Variants in DOK5 observed in about 807,000 individuals in gnomAD.
DOK5 encodes the protein docking protein 5, also known as downstream of tyrosine kinase 5.
Under a neutral mutation model 43.3 loss-of-function variants are expected in DOK5, and 27 were observed. The ratio of observed to expected loss-of-function variants is 0.62; its 90% confidence interval spans 0.46 to 0.86. DOK5 has a LOEUF of 0.86. DOK5 is among the 40% of genes least tolerant of loss of function. The probability of loss-of-function intolerance (pLI) is 0.00; values close to 1 mark genes in which losing one functional copy is unlikely to be tolerated. For missense variants in DOK5, 373 were observed against 392.9 expected (o/e 0.95, Z 0.43); for synonymous variants, 146 against 140.1 (o/e 1.04, Z -0.30).
chr20:54,510,462 T>G (rs1042806166), intron 1 of DOK5, among the ~76,000 whole-genome samples: 2 of 152,086 alleles, frequency 1.3e-5, no homozygotes, highest in African/African-American at 4.8e-5. Flanking sequence ...TTAAGAGAGG[T>G]GTTTTATTGC....
chr20:54,622,212 A>T (rs181323176), intron 6 of DOK5, among the ~76,000 whole-genome samples: 48 of 151,420 alleles, frequency 3.2e-4, no homozygotes, highest in Middle Eastern at 6.8e-3. Flanking sequence ...AAAAAATAAA[A>T]AAAATAAAAT....
intron 5 of DOK5, among the ~76,000 whole-genome samples, chr20:54,592,063 C>T (rs891006083): frequency 1.2e-4 from 18 of 152,168 alleles, no homozygotes; most frequent in Non-Finnish European, 2.2e-4. Flanking sequence ...CAGTTTGATT[C>T]CATATCACAA....
chr20:54,626,072 G>A (rs1196096204), intron 6 of DOK5, among the ~76,000 whole-genome samples: 2 of 152,146 alleles, frequency 1.3e-5, no homozygotes, highest in African/African-American at 4.8e-5. Context: ...CTTTCAACTA[G>A]CTGTCTGACC....
chr20:54,607,476 A>T (rs372412677), intron 5 of DOK5, among the ~76,000 whole-genome samples: 2 of 151,956 alleles, frequency 1.3e-5, no homozygotes, highest in African/African-American at 4.8e-5. Flanking sequence ...GTCCATGTAC[A>T]TTAAAGAAGA....
At chr20:54,623,768 A>G (rs1987057243) in intron 6 of DOK5, among the ~76,000 whole-genome samples, 1 of 151,948 alleles carries the variant, frequency 6.6e-6, no homozygotes, top group Non-Finnish European at 1.5e-5. Flanking sequence ...TTTAGTAGAG[A>G]CAGGGTTTCA....
At chr20:54,567,045 GA>G (rs1985123634) in intron 2 of DOK5, among the ~76,000 whole-genome samples, 1 of 151,740 alleles carries the variant, frequency 6.6e-6, no homozygotes, top group African/African-American at 2.4e-5. Context: ...TGAGTATTGG[GA>G]GTGTGTGCGT....
At chr20:54,534,875 C>A (rs143679429) in intron 1 of DOK5, among the ~76,000 whole-genome samples, 1 of 151,960 alleles carries the variant, frequency 6.6e-6, no homozygotes, top group Non-Finnish European at 1.5e-5. Context: ...CTCACTCTGT[C>A]GCACAGGCTG....
At chr20:54,616,071 G>A (rs1378276774) in intron 6 of DOK5, among the ~76,000 whole-genome samples, 5 of 152,028 alleles carry the variant, frequency 3.3e-5, no homozygotes, top group African/African-American at 7.3e-5. Context: ...AATTTGTTTC[G>A]ACAGCCATAG....
intron 1 of DOK5, among the ~76,000 whole-genome samples, chr20:54,490,617 T>C (rs1004482626): frequency 6.6e-6 from 1 of 152,174 alleles, no homozygotes; most frequent in African/African-American, 2.4e-5. Context: ...GACGGAGTCT[T>C]GCTGTGTCAC....
chr20:54,557,220 T>C (rs1473904239), intron 2 of DOK5, among the ~76,000 whole-genome samples: 3 of 152,156 alleles, frequency 2.0e-5, no homozygotes, highest in African/African-American at 7.2e-5. Flanking sequence ...ATGCCAGTGG[T>C]CCCCAACCTT....
intron 2 of DOK5, among the ~76,000 whole-genome samples, chr20:54,578,208 A>G (rs556104540): frequency 1.2e-4 from 19 of 152,316 alleles, no homozygotes; most frequent in Admixed American, 1.2e-3. Flanking sequence ...TTCTGTAAGA[A>G]ATTACTTCAG....
At chr20:54,645,172 G>A (rs766110902) in intron 7 of DOK5, among the ~76,000 whole-genome samples, 46 of 151,906 alleles carry the variant, frequency 3.0e-4, no homozygotes, top group Non-Finnish European at 6.2e-4. Context: ...CGTAGTTTAC[G>A]TGCAGAAATT....
intron 1 of DOK5, among the ~76,000 whole-genome samples, chr20:54,534,223 A>G (rs6023344): frequency 0.24 from 36,293 of 152,096 alleles, 7,229 homozygotes; most frequent in African/African-American, 0.56. Context: ...GTCTCACTCT[A>G]TTGCCCAGGC....
intron 1 of DOK5, among the ~76,000 whole-genome samples, chr20:54,535,448 T>C (rs1415897100): frequency 4.6e-5 from 7 of 152,204 alleles, no homozygotes; most frequent in African/African-American, 1.2e-4. Context: ...TGAACCTTGC[T>C]GAAATGTTTC....
chr20:54,616,606 C>T (rs1293088813), intron 6 of DOK5, among the ~76,000 whole-genome samples: 1 of 152,012 alleles, frequency 6.6e-6, no homozygotes, highest in African/African-American at 2.4e-5. Flanking sequence ...ACAAACTATG[C>T]ACCATTAAAA....
intron 1 of DOK5, among the ~76,000 whole-genome samples, chr20:54,547,016 G>A (rs1174798563): frequency 6.6e-6 from 1 of 152,150 alleles, no homozygotes; most frequent in African/African-American, 2.4e-5. Context: ...ATTTCTCCCT[G>A]GAGAGACTTG....
Position 54,475,908 on chromosome 20 carries a change from C to A in DOK5, c.-39C>A. ...ACCCTCCCCAGAGCCACTTCGGGTG[C>A]GCGCTCTTGGGTAAAGGGGGGGTCA... On this transcript the variant is annotated 5_prime_UTR_variant, in exon 1 of 8. Transcript: ENST00000262593. This position sits in a 1 kb window ranked among gnomAD's most constrained non-coding sequence, Gnocchi z 4.2. 1 of 1,608,508 alleles carries A rather than the reference C, an allele frequency of 6.2e-7. No homozygotes were observed. Among genetic ancestry groups the A allele is most frequent in the Non-Finnish European group, 8.5e-7 (1 of 1,178,434 alleles).
At chr20:54,505,105 C>T (rs187684578) in intron 1 of DOK5, among the ~76,000 whole-genome samples, 7 of 152,194 alleles carry the variant, frequency 4.6e-5, no homozygotes, top group Admixed American at 4.6e-4. Flanking sequence ...TGAATTGGTT[C>T]TGCAGTTTAC....
intron 1 of DOK5, among the ~76,000 whole-genome samples, chr20:54,514,586 C>CTTT (rs199776939): frequency 0.026 from 2,609 of 100,834 alleles, 118 homozygotes; most frequent in African/African-American, 0.095. Context: ...AAGTTTTACT[C>CTTT]TTTTTTTTTT....
Sources: allele counts gnomAD v4.1 joint callset (sites outside exome capture counted in the v4.1 genomes callset), GRCh38; gene constraint gnomAD v4.1.1; non-coding constraint Gnocchi (gnomAD v3.1); transcripts MANE v1.5; gene names NCBI Gene and HGNC (gene_info 2026-07-23, HGNC 2026-07-21).